The following PRKD2 variants were observed in gnomAD, a reference collection of about 807,000 sequenced individuals.
PRKD2 encodes the protein serine/threonine-protein kinase D2.
Under a neutral mutation model 86.0 loss-of-function variants are expected in PRKD2, and 22 were observed. The observed-to-expected ratio is 0.26, with a 90% CI of 0.18 to 0.37. PRKD2 has a LOEUF of 0.37. PRKD2 is among the 10% of genes least tolerant of loss of function. The pLI is 1.00. For synonymous variants in PRKD2, 509 were observed against 510.9 expected (o/e 1.00, Z 0.05); for missense variants, 818 against 1,199.2 (o/e 0.68, Z 4.70).
chr19:46,705,755 C>T (rs1475895811), intron 3 of PRKD2, among the ~76,000 whole-genome samples: 1 of 151,172 alleles, frequency 6.6e-6, no homozygotes, highest in African/African-American at 2.4e-5. Flanking sequence ...CCACTGCACT[C>T]CAGCCTGGGC....
intron 7 of PRKD2, among the ~76,000 whole-genome samples, chr19:46,699,305 T>G (rs1334058746): frequency 6.6e-6 from 1 of 152,106 alleles, no homozygotes; most frequent in Non-Finnish European, 1.5e-5. Context: ...ATTCTCCATC[T>G]CCTCTTGTTT....
Position 46,694,456 on chromosome 19 carries a change from G to A in PRKD2, c.1318-323C>T, listed in dbSNP as rs899019435. ...CTGAAAATACAAAAATTAGCCAGGC[G>A]TGGTGGTGTGCGCCTGTAATCCCAG... On this transcript the variant is annotated intron_variant, in intron 9 of 17. Coordinates refer to ENST00000291281, the MANE Select transcript of PRKD2 (RefSeq NM_016457.5). Among the ~76,000 whole-genome samples, 6 of 152,210 alleles carry A rather than the reference G, an allele frequency of 3.9e-5. No individual in the cohort carries two copies. The East Asian group carries it at 7.8e-4, about 20-fold the overall frequency.
At chr19:46,686,844 G>A (rs2053405962) in intron 14 of PRKD2, among the ~76,000 whole-genome samples, 1 of 151,580 alleles carries the variant, frequency 6.6e-6, no homozygotes, top group South Asian at 2.1e-4. Context: ...CCAGCTACTT[G>A]GGAGGCTGAG....
intron 15 of PRKD2, among the ~76,000 whole-genome samples, chr19:46,680,946 A>ATATATATATATATATATTTTTTTTT: frequency 4.1e-5 from 2 of 48,258 alleles, no homozygotes; most frequent in Non-Finnish European, 8.1e-5. Flanking sequence ...ATATATATAT[A>ATATATATATATATATATTTTTTTTT]TTTTTTTTTT....
At chr19:46,708,021 C>T (rs2053741213) in intron 3 of PRKD2, among the ~76,000 whole-genome samples, 1 of 152,030 alleles carries the variant, frequency 6.6e-6, no homozygotes, top group Middle Eastern at 3.2e-3. Context: ...TCGCTTGAGC[C>T]TGGGAAGTGG....
chr19:46,697,692 G>C (rs2053580885), intron 8 of PRKD2, 41 bp downstream of exon 8: 1 of 1,565,008 alleles, frequency 6.4e-7, no homozygotes, highest in African/African-American at 1.4e-5. Flanking sequence ...CCCTCTTCCA[G>C]CCTTCGCTCC....
At position 46,716,920 on chromosome 19, in the gene PRKD2, G is replaced by A. The variant is rs887164139; in HGVS notation, c.-550C>T. ...GCCAGGGGATGGGCAGAGGGGTCCC[G>A]AGGGCCGGAGTGGGTAGAAGGGAAT... is the stretch of plus-strand genomic sequence containing the variant. On this transcript the variant is annotated 5_prime_UTR_variant, in exon 1 of 18. Transcript: ENST00000291281. The surrounding 1 kb of genome is among the most constrained non-coding windows in gnomAD (Gnocchi z 7.9). 6 of 152,142 alleles carry A rather than the reference G, an allele frequency of 3.9e-5. No individual in the cohort carries two copies. Among genetic ancestry groups the A allele is most frequent in the African/African-American group, 1.4e-4 (6 of 41,440 alleles). The allele number at this position is 152,142 out of a possible 1,614,324, so 9.4% of individuals were successfully genotyped here.
chr19:46,683,643 G>A (rs1336286460), intron 14 of PRKD2, among the ~76,000 whole-genome samples: 2 of 152,006 alleles, frequency 1.3e-5, no homozygotes, highest in Non-Finnish European at 2.9e-5. Context: ...GCTTGAACTG[G>A]AGAGGTGGAG....
At chr19:46,691,340 C>G (rs2053480847) in intron 12 of PRKD2, among the ~76,000 whole-genome samples, 1 of 152,058 alleles carries the variant, frequency 6.6e-6, no homozygotes, top group Non-Finnish European at 1.5e-5. Flanking sequence ...AGTGCAGAAT[C>G]TACCCTCTTT....
In PRKD2 at chr19:46,674,997, A is replaced by G. The variant is rs762390945; in HGVS notation, c.2424+36T>C. The G allele has an allele frequency of 1.9e-6, 3 of 1,551,916 alleles. No individual in the cohort carries two copies. The African/African-American group carries it at 4.1e-5, about 21-fold the overall frequency. Reference sequence around the variant, plus strand: ...CGATCTACTCCCACCCCTTCCTCCAATCCAGCCAATGGGCCAGCCCTGCCC... The same window carrying G: ...CGATCTACTCCCACCCCTTCCTCCAGTCCAGCCAATGGGCCAGCCCTGCCC... On this transcript the variant is annotated intron_variant, in intron 17 of 17. Coordinates refer to ENST00000291281, the MANE Select transcript of PRKD2 (RefSeq NM_016457.5).
chr19:46,715,317 GT>G (rs1320605491), intron 1 of PRKD2, among the ~76,000 whole-genome samples: 2 of 152,208 alleles, frequency 1.3e-5, no homozygotes, highest in African/African-American at 4.8e-5. Flanking sequence ...GCATTTTAAT[GT>G]TTTACTATTT....
intron 12 of PRKD2, among the ~76,000 whole-genome samples, chr19:46,691,150 A>T (rs1007785676): frequency 2.0e-4 from 31 of 151,702 alleles, no homozygotes; most frequent in African/African-American, 7.3e-4. Flanking sequence ...TGGCAAATCA[A>T]AGTGTAAAAT....
chr19:46,714,477 T>TGGGGGGGGGGGGGGGGGG (rs567281554), intron 1 of PRKD2: 1 of 40,938 alleles, frequency 2.4e-5, no homozygotes, highest in Admixed American at 2.6e-4. Context: ...CCTGGGAAAG[T>TGGGGGGGGGGGGGGGGGG]GGGGGGGGGG....
At position 46,678,287 on chromosome 19, in the gene PRKD2, C is replaced by G; in HGVS notation, c.2338+109G>C. 6.7e-7 allele frequency: 1 copy of G among 1,484,040 alleles called. No individual in the cohort carries two copies. Among genetic ancestry groups the G allele is most frequent in the Non-Finnish European group, 9.0e-7 (1 of 1,111,910 alleles). 91.9% of individuals were successfully genotyped at this position (1,484,040 alleles called of 1,614,324 possible). ...GCCCGCCCCAGCACTGGGCTCCACC[C>G]CCAAGGTGCCAGGCTGTTTCCGGGT... is the stretch of plus-strand genomic sequence containing the variant. On this transcript the variant is annotated intron_variant, in intron 16 of 17. Transcript: ENST00000291281. This position sits in a 1 kb window ranked among gnomAD's most constrained non-coding sequence, Gnocchi z 5.7.
chr19:46,680,946 A>ATATATATATATATATATATATATTTTTT, intron 15 of PRKD2, among the ~76,000 whole-genome samples: 5 of 48,220 alleles, frequency 1.0e-4, no homozygotes, highest in Non-Finnish European at 1.6e-4. Context: ...ATATATATAT[A>ATATATATATATATATATATATATTTTTT]TTTTTTTTTT....
chr19:46,697,120 CG>C lies in PRKD2; in HGVS notation c.1317+36del, dbSNP rs769107437. The C allele has an allele frequency of 1.3e-5, 20 of 1,493,266 alleles. 1 individual carries two copies. Among genetic ancestry groups the C allele is most frequent in the South Asian group, 5.6e-5 (5 of 88,546 alleles). 92.5% of individuals were successfully genotyped at this position (1,493,266 alleles called of 1,614,324 possible). ...GGTGTGGGAAAGTTTGTGGGCACAG[CG>C]GGAAGTCCGAGGGAGCTGAAAGCCC... On this transcript the variant is annotated intron_variant, in intron 9 of 17. Transcript: ENST00000291281.
rs757345373 is a variant in PRKD2 at position 46,689,587 on chromosome 19, T to C, written c.1921A>G (p.Ser641Gly). 2.5e-6 allele frequency: 4 copies of C among 1,614,046 alleles called. No individual in the cohort carries two copies. Among genetic ancestry groups the C allele is most frequent in the Non-Finnish European group, 3.4e-6 (4 of 1,179,972 alleles). ...CGCTCAGGCAGCCGGCCCTTCTCAC[T>C]GGACAGGATCATCTCCAACATGTCC... ...HGDMLEMILS[S>G]EKGRLPERLT... The change falls in exon 14 of 18, where the codon AGT becomes GGT. Residue 641 changes from serine (S) to glycine (G), a missense_variant. Ser to Gly is a moderately conservative substitution (Grantham distance 56). Transcript: ENST00000291281.
At chr19:46,701,970 A>G (rs2053641407) in intron 5 of PRKD2, among the ~76,000 whole-genome samples, 1 of 151,470 alleles carries the variant, frequency 6.6e-6, no homozygotes, top group African/African-American at 2.4e-5. Context: ...TTCTAGGGAC[A>G]CTATACATCG....
chr19:46,706,157 G>C (rs936748571), intron 3 of PRKD2, among the ~76,000 whole-genome samples: 1 of 152,146 alleles, frequency 6.6e-6, no homozygotes, highest in Non-Finnish European at 1.5e-5. Flanking sequence ...GAGCCACTGT[G>C]CCCTGCCTAT....
Sources: allele counts gnomAD v4.1 joint callset (sites outside exome capture counted in the v4.1 genomes callset), GRCh38; gene constraint gnomAD v4.1.1; non-coding constraint Gnocchi (gnomAD v3.1); transcripts MANE v1.5; gene names NCBI Gene and HGNC (gene_info 2026-07-23, HGNC 2026-07-21).